Variants in KCNQ5 observed in about 807,000 individuals in gnomAD.
KCNQ5 encodes the protein potassium voltage-gated channel subfamily Q member 5.
KCNQ5 carries 30 observed loss-of-function variants against 98.2 expected under a neutral mutation model. The ratio of observed to expected loss-of-function variants is 0.31; its 90% CI spans 0.23 to 0.41. KCNQ5 has a LOEUF of 0.41. Among genes scored for constraint, KCNQ5 ranks in the 10% least tolerant of loss-of-function variants. KCNQ5 has a pLI of 1.00. For synonymous variants in KCNQ5, 458 were observed against 449.4 expected, an observed-to-expected ratio of 1.02 and a Z score of -0.24; for missense variants, 835 against 1,182.5, an observed-to-expected ratio of 0.71 and a Z score of 4.31.
At chr6:72,708,057 C>A (rs1411258206) in intron 1 of KCNQ5, among the ~76,000 whole-genome samples, 2 of 152,078 alleles carry the variant, frequency 1.3e-5, no homozygotes, top group African/African-American at 2.4e-5. Context: ...AGAGTAGGAC[C>A]ACATTAATCC....
intron 3 of KCNQ5, among the ~76,000 whole-genome samples, chr6:73,048,358 A>G (rs890684076): frequency 6.6e-6 from 1 of 152,148 alleles, no homozygotes; most frequent in African/African-American, 2.4e-5. Context: ...GGGTTGTACA[A>G]GGTGGAGACA....
At chr6:72,661,728 C>T (rs915397304) in intron 1 of KCNQ5, among the ~76,000 whole-genome samples, 5 of 152,056 alleles carry the variant, frequency 3.3e-5, no homozygotes, top group African/African-American at 9.7e-5. Context: ...TAACTAGTTT[C>T]GTTGGCTTGT....
At chr6:73,125,308 C>T (rs969546551) in intron 9 of KCNQ5, 7 of 364,472 alleles carry the variant, frequency 1.9e-5, no homozygotes, top group Non-Finnish European at 3.9e-5. Context: ...ATTTCTTGAT[C>T]TGTGTTAATG....
intron 1 of KCNQ5, among the ~76,000 whole-genome samples, chr6:72,712,531 T>C (rs909135914): frequency 2.6e-4 from 40 of 152,226 alleles, no homozygotes; most frequent in Non-Finnish European, 7.3e-5. Context: ...CCTCAGTTAA[T>C]AGCCGCTTGG....
intron 5 of KCNQ5, among the ~76,000 whole-genome samples, chr6:73,083,366 C>A (rs1773857311): frequency 1.3e-5 from 2 of 151,924 alleles, no homozygotes; most frequent in South Asian, 4.1e-4. Flanking sequence ...TGCTAAAATA[C>A]TAAAAATACT....
chr6:72,787,408 A>G (rs942968571), intron 1 of KCNQ5, among the ~76,000 whole-genome samples: 1 of 152,228 alleles, frequency 6.6e-6, no homozygotes, highest in Non-Finnish European at 1.5e-5. Context: ...TGCCCATTAC[A>G]GAAAATGTTT....
intron 1 of KCNQ5, among the ~76,000 whole-genome samples, chr6:72,780,653 A>C (rs142689540): frequency 6.6e-6 from 1 of 152,064 alleles, no homozygotes; most frequent in African/African-American, 2.4e-5. Flanking sequence ...TTGGGGGGAG[A>C]TATGAGATCA....
chr6:72,779,201 T>C (rs1399788929), intron 1 of KCNQ5, among the ~76,000 whole-genome samples: 17 of 152,260 alleles, frequency 1.1e-4, no homozygotes, highest in Non-Finnish European at 2.9e-5. Context: ...GATGCCCCCC[T>C]AGAAAGCTGG....
intron 5 of KCNQ5, among the ~76,000 whole-genome samples, chr6:73,100,316 GA>G (rs1467001889): frequency 2.0e-5 from 3 of 152,104 alleles, no homozygotes; most frequent in African/African-American, 7.2e-5. Flanking sequence ...AAGTTAGTAG[GA>G]GAAAGGAAAT....
rs912802101 is a variant in KCNQ5, at chr6:73,111,956, A to C, written c.1125+553A>C. 5.9e-5 allele frequency among the ~76,000 whole-genome samples: 9 copies of C among 152,318 alleles called. 1 individual carries two copies. Among genetic ancestry groups the C allele is most frequent in the Admixed American group, 2.0e-4 (3 of 15,290 alleles). On this transcript the variant is annotated intron_variant, in intron 7 of 13. Coordinates refer to ENST00000370398, the MANE Select transcript of KCNQ5 (RefSeq NM_019842.4). ...GAATACATCAGTGTTTGAGAATATT[A>C]AACAATAAGTATATAATTTGAAGCT...
intron 10 of KCNQ5, among the ~76,000 whole-genome samples, chr6:73,143,049 G>A (rs576617929): frequency 2.1e-4 from 32 of 152,298 alleles, no homozygotes; most frequent in Middle Eastern, 3.4e-3. Flanking sequence ...TCAAGAGGTT[G>A]AAGATATGTT....
chr6:73,079,238 T>C (rs2150393286), intron 5 of KCNQ5, among the ~76,000 whole-genome samples: 1 of 152,290 alleles, frequency 6.6e-6, no homozygotes, highest in East Asian at 1.9e-4. Context: ...GCAGGTAGAT[T>C]ATAAATGCTT....
intron 1 of KCNQ5, among the ~76,000 whole-genome samples, chr6:72,921,056 G>C (rs1350615859): frequency 6.6e-6 from 1 of 152,100 alleles, no homozygotes; most frequent in African/African-American, 2.4e-5. Context: ...TGCCAGAAAG[G>C]GGCTTATTGT....
chr6:72,802,497 G>A (rs1332752114), intron 1 of KCNQ5, among the ~76,000 whole-genome samples: 1 of 152,072 alleles, frequency 6.6e-6, no homozygotes, highest in Non-Finnish European at 1.5e-5. Flanking sequence ...TGCAGATAAA[G>A]TTAACCATTG....
intron 10 of KCNQ5, among the ~76,000 whole-genome samples, chr6:73,146,952 A>G (rs1248414569): frequency 6.6e-6 from 1 of 152,154 alleles, no homozygotes; most frequent in Non-Finnish European, 1.5e-5. Context: ...TGTGAGTTTT[A>G]TGTCTTTGTT....
intron 1 of KCNQ5, among the ~76,000 whole-genome samples, chr6:72,705,422 G>A (rs2154474822): frequency 6.6e-6 from 1 of 152,248 alleles, no homozygotes; most frequent in South Asian, 2.1e-4. Flanking sequence ...TCTCTATAGA[G>A]TGAAAGAAAT....
At chr6:73,146,805 T>C (rs904060048) in intron 10 of KCNQ5, among the ~76,000 whole-genome samples, 1 of 152,142 alleles carries the variant, frequency 6.6e-6, no homozygotes, top group African/African-American at 2.4e-5. Flanking sequence ...TGTTTGGTTC[T>C]AATAAAGGCA....
intron 1 of KCNQ5, among the ~76,000 whole-genome samples, chr6:72,877,223 C>T (rs1249968798): frequency 2.0e-5 from 3 of 152,046 alleles, no homozygotes; most frequent in African/African-American, 7.2e-5. Flanking sequence ...TTGCCCCGAC[C>T]CCCCCGACAG....
intron 12 of KCNQ5, 143 bp from the exon 13 acceptor site, chr6:73,192,422 C>A: frequency 1.5e-6 from 1 of 651,036 alleles, no homozygotes; most frequent in Non-Finnish European, 2.4e-6. Flanking sequence ...ATAAGCATAT[C>A]AACTGGAACA....
Sources: allele counts gnomAD v4.1 joint callset (sites outside exome capture counted in the v4.1 genomes callset), GRCh38; gene constraint gnomAD v4.1.1; transcripts MANE v1.5; gene names NCBI Gene and HGNC (gene_info 2026-07-23, HGNC 2026-07-21).